EXOC2: variants seen among roughly 807,000 people sequenced by gnomAD.
The protein encoded by EXOC2 is SEC5-like 1.
A neutral mutation model predicts 131.8 loss-of-function variants in EXOC2; 70 were observed. The observed-to-expected ratio is 0.53, with a 90% CI of 0.44 to 0.65. The LOEUF (loss-of-function observed/expected upper bound fraction) is 0.65, where lower values mean the gene tolerates loss of function less well. Among genes scored for constraint, EXOC2 ranks in the 30% least tolerant of loss-of-function variants. EXOC2 has a pLI of 0.00. For synonymous variants in EXOC2, 411 were observed against 398.4 expected (o/e 1.03, Z -0.38); for missense variants, 923 against 1,108.6 (o/e 0.83, Z 2.38).
chr6:544,542 T>G (rs544478522), intron 22 of EXOC2, among the ~76,000 whole-genome samples: 17 of 152,322 alleles, frequency 1.1e-4, no homozygotes, highest in Middle Eastern at 3.4e-3. Context: ...TAAACAAAAT[T>G]TAGCTGATTT....
intron 25 of EXOC2, among the ~76,000 whole-genome samples, chr6:493,330 A>G (rs1288601396): frequency 1.3e-5 from 2 of 152,236 alleles, no homozygotes; most frequent in African/African-American, 4.8e-5. Flanking sequence ...AGAAAGTATG[A>G]CAATTTCTGT....
intron 18 of EXOC2, 100 bp from the exon 19 acceptor site, chr6:556,113 C>T (rs2127575044): frequency 1.9e-6 from 2 of 1,068,558 alleles, no homozygotes; most frequent in Non-Finnish European, 2.8e-6. Flanking sequence ...AACGCTGCTG[C>T]AGGAGTGGTG....
chr6:507,702 C>A (rs1764642827), intron 23 of EXOC2, among the ~76,000 whole-genome samples: 1 of 152,124 alleles, frequency 6.6e-6, no homozygotes, highest in Non-Finnish European at 1.5e-5. Context: ...ATTGGAATGA[C>A]CTGGATTTAA....
Position 491,144 on chromosome 6 carries a change from A to G in EXOC2, c.2602T>C (p.Tyr868His), listed in dbSNP as rs1310387813. The G allele has an allele frequency of 6.2e-7, 1 of 1,614,234 alleles. No individual in the cohort carries two copies. ...ICALRDTVAVYLTPESKSSFK... is the reference protein window; with the variant it reads ...ICALRDTVAVHLTPESKSSFK... ...ACTTACTTGCTTTCGGGTGTCAGGT[A>G]AACAGCCACAGTGTCCCTCAAAGCA... Residue 868 changes from tyrosine (Y) to histidine (H), a missense_variant, in exon 26 of 28, where the codon TAC becomes CAC. By Grantham distance (83) the Tyr-to-His change is moderately conservative (BLOSUM62 2). Transcript: ENST00000230449.
intron 11 of EXOC2, among the ~76,000 whole-genome samples, chr6:577,461 G>A (rs1453046333): frequency 1.3e-5 from 2 of 152,112 alleles, no homozygotes; most frequent in Non-Finnish European, 2.9e-5. Flanking sequence ...TCTCATCTGA[G>A]AAGTCTTCCA....
chr6:517,669 T>TAC (rs1413693607), intron 23 of EXOC2, among the ~76,000 whole-genome samples: 1 of 152,250 alleles, frequency 6.6e-6, no homozygotes, highest in Non-Finnish European at 1.5e-5. Context: ...TTAAAGGGTA[T>TAC]ACCAAGCTGA....
intron 6 of EXOC2, among the ~76,000 whole-genome samples, chr6:615,182 G>GGT (rs201428433): frequency 0.044 from 5,321 of 121,048 alleles, 246 homozygotes; most frequent in East Asian, 0.24. Flanking sequence ...TGTGGGTGTG[G>GGT]GTGTGTGTGT....
chr6:549,028 T>A, intron 22 of EXOC2, 147 bp downstream of exon 22: 1 of 690,000 alleles, frequency 1.4e-6, no homozygotes, highest in South Asian at 1.7e-5. Context: ...TCCAAAGCTT[T>A]AGCAGGGTGA....
chr6:642,051 C>A (rs925349456), intron 1 of EXOC2, among the ~76,000 whole-genome samples: 4 of 152,080 alleles, frequency 2.6e-5, no homozygotes, highest in African/African-American at 9.7e-5. Context: ...CACCACTCCT[C>A]TCCTCTGACA....
intron 23 of EXOC2, among the ~76,000 whole-genome samples, chr6:522,774 G>C (rs966071455): frequency 1.1e-4 from 16 of 152,214 alleles, no homozygotes; most frequent in African/African-American, 3.6e-4. Flanking sequence ...ATGAAAGGAA[G>C]GTCAAGTGAA....
At position 675,540 on chromosome 6, in the gene EXOC2, A is replaced by C. The variant is rs1262328624; in HGVS notation, c.-44+17479T>G. ...TTACAGAAAGGACAGGTTCCTCTGG[A>C]GACTCTGAGGTTCCCCATACTCTTC... On this transcript the variant is annotated intron_variant, in intron 1 of 27. Transcript: ENST00000230449. Among the ~76,000 whole-genome samples the C allele has an allele frequency of 5.3e-4, 20 of 37,650 alleles. 1 individual carries two copies. The highest frequency in any genetic ancestry group is 0.019 in the East Asian group (2 of 108). 24.7% of individuals were successfully genotyped at this position (37,650 alleles called of 152,430 possible).
At chr6:493,461 A>C (rs1237099091) in intron 25 of EXOC2, among the ~76,000 whole-genome samples, 1 of 152,238 alleles carries the variant, frequency 6.6e-6, no homozygotes, top group Admixed American at 6.5e-5. Context: ...TTCTGGTAGA[A>C]ATTTTATTCA....
intron 23 of EXOC2, among the ~76,000 whole-genome samples, chr6:509,141 G>A (rs775034889): frequency 1.8e-4 from 27 of 152,292 alleles, no homozygotes; most frequent in South Asian, 1.2e-3. Context: ...CAGTGCATAC[G>A]TATCTACCTT....
chr6:507,170 C>A (rs192313382), intron 23 of EXOC2, among the ~76,000 whole-genome samples: 3 of 37,570 alleles, frequency 8.0e-5, no homozygotes, highest in Non-Finnish European at 1.6e-4. Context: ...ACCCCCCCAC[C>A]CACACACACA....
At chr6:687,464 C>T (rs9405293) in intron 1 of EXOC2, among the ~76,000 whole-genome samples, 115,835 of 151,928 alleles carry the variant, frequency 0.76, 44,723 homozygotes, top group East Asian at 0.99. Context: ...ATTACAGGCA[C>T]TGAGCCACTG....
At chr6:622,278 C>T (rs1158906428) in intron 4 of EXOC2, among the ~76,000 whole-genome samples, 1 of 152,196 alleles carries the variant, frequency 6.6e-6, no homozygotes, top group Non-Finnish European at 1.5e-5. Context: ...CTGGTATCAA[C>T]TAAGTTCCTA....
chr6:556,111 TGCA>T lies in EXOC2; in HGVS notation c.1933-101_1933-99del, dbSNP rs929608714. The T allele has an allele frequency of 1.7e-5, 19 of 1,094,100 alleles. No individual in the cohort carries two copies. In the African/African-American group the frequency reaches 2.8e-4, roughly 16 times the overall value. 67.8% of individuals were successfully genotyped at this position (1,094,100 alleles called of 1,614,324 possible). A position where few individuals can be genotyped will look rare whatever the true frequency, so the allele number is the denominator to read the frequency against. Reference sequence around the variant, plus strand: ...GAACAGTTAAAACGTGGAACGCTGCTGCAGGAGTGGTGCCCTTCCTATAAAAGG... The same window carrying T: ...GAACAGTTAAAACGTGGAACGCTGCTGGAGTGGTGCCCTTCCTATAAAAGG... On this transcript the variant is annotated intron_variant, in intron 18 of 27. Coordinates refer to ENST00000230449, the MANE Select transcript of EXOC2 (RefSeq NM_018303.6).
chr6:670,816 A>G (rs1229351651), intron 1 of EXOC2, among the ~76,000 whole-genome samples: 1 of 152,222 alleles, frequency 6.6e-6, no homozygotes, highest in Non-Finnish European at 1.5e-5. Context: ...ACATATTTTC[A>G]TTTCTTATTT....
At chr6:679,277 G>C (rs1051410343) in intron 1 of EXOC2, 1 of 151,782 alleles carries the variant, frequency 6.6e-6, no homozygotes, top group Non-Finnish European at 1.5e-5. Context: ...AAAACACCAA[G>C]AGCTTCAAAA....
Sources: allele counts gnomAD v4.1 joint callset (sites outside exome capture counted in the v4.1 genomes callset), GRCh38; gene constraint gnomAD v4.1.1; transcripts MANE v1.5; gene names NCBI Gene and HGNC (gene_info 2026-07-23, HGNC 2026-07-21).